ATG7: variants seen among roughly 807,000 people sequenced by gnomAD.
The protein encoded by ATG7 is ubiquitin-like modifier-activating enzyme ATG7.
ATG7 carries 70 observed loss-of-function variants against 82.4 expected under a neutral mutation model. That is an observed-to-expected ratio of 0.85 (90% CI 0.70 to 1.04). ATG7 has a LOEUF of 1.04. ATG7 is among the 50% of genes least tolerant of loss of function. ATG7 has a pLI of 0.00. For missense variants in ATG7, 792 were observed against 864.3 expected (o/e 0.92, Z 1.05); for synonymous variants, 287 against 313.0 (o/e 0.92, Z 0.88).
Position 11,442,739 on chromosome 3 carries a change from C to CAAAAAA in ATG7, c.2079+15840_2079+15845dup, listed in dbSNP as rs57073881. Among the ~76,000 whole-genome samples the CAAAAAA allele has an allele frequency of 1.0e-3, 72 of 69,218 alleles. 2 individuals are homozygous for CAAAAAA. Among genetic ancestry groups the CAAAAAA allele is most frequent in the East Asian group, 6.2e-3 (12 of 1,944 alleles). 45.4% of individuals were successfully genotyped at this position (69,218 alleles called of 152,430 possible). A position where few individuals can be genotyped will look rare whatever the true frequency, so the allele number is the denominator to read the frequency against. Reference sequence around the variant, plus strand: ...GCAGCATAGTGAGACTCCATCTCTACAAAAAAAAAAAAAAAAAAAAAAAAA... The same window carrying CAAAAAA: ...GCAGCATAGTGAGACTCCATCTCTACAAAAAAAAAAAAAAAAAAAAAAAAAAAAAAA... On this transcript the variant is annotated intron_variant, in intron 20 of 20. Transcript: ENST00000693202.
intron 3 of ATG7, among the ~76,000 whole-genome samples, chr3:11,298,359 A>G (rs1196693774): frequency 1.3e-5 from 2 of 152,206 alleles, no homozygotes; most frequent in Non-Finnish European, 2.9e-5. Flanking sequence ...TGGTGGGTGC[A>G]AGGTCCTGGG....
At chr3:11,567,687 C>G in the ATG7 span, among the ~76,000 whole-genome samples, 2 of 152,234 alleles carry the variant, frequency 1.3e-5, no homozygotes, top group Non-Finnish European at 2.9e-5. Context: ...AGAAGACCTT[C>G]CGCGGAACGG....
intron 13 of ATG7, 144 bp downstream of exon 13, chr3:11,342,423 AAGTGT>A: frequency 8.9e-7 from 1 of 1,123,206 alleles, no homozygotes; most frequent in Non-Finnish European, 1.2e-6. Flanking sequence ...TTATCTTTTT[AAGTGT>A]AAAAGAAATA....
Position 11,294,024 on chromosome 3 carries a change from A to G in ATG7, c.-10-4662A>G, listed in dbSNP as rs1452716635. ...CAGAGCAGGACTCCGTCTCAAAAAAAAAAAAAAAAAGAAAAAGAAAGAAAG... is the reference window on the plus strand; with the variant it reads ...CAGAGCAGGACTCCGTCTCAAAAAAGAAAAAAAAAAGAAAAAGAAAGAAAG... On this transcript the variant is annotated intron_variant, in intron 3 of 20. Transcript: ENST00000693202. 3.3e-5 allele frequency among the ~76,000 whole-genome samples: 5 copies of G among 150,782 alleles called. No homozygotes were observed. The South Asian group carries it at 1.0e-3, about 31-fold the overall frequency.
At chr3:11,440,877 T>C (rs529207790) in intron 20 of ATG7, among the ~76,000 whole-genome samples, 2 of 151,186 alleles carry the variant, frequency 1.3e-5, no homozygotes, top group South Asian at 4.2e-4. Context: ...AGAGATGGGG[T>C]TTTGCCATGC....
chr3:11,431,454 A>G (rs1284977635), intron 20 of ATG7, among the ~76,000 whole-genome samples: 3 of 152,218 alleles, frequency 2.0e-5, no homozygotes, highest in African/African-American at 7.2e-5. Flanking sequence ...GGTTTTTAGT[A>G]TATTCACAGA....
At chr3:11,301,935 C>A (rs1206325783) in intron 5 of ATG7, among the ~76,000 whole-genome samples, 2 of 152,196 alleles carry the variant, frequency 1.3e-5, no homozygotes, top group Non-Finnish European at 2.9e-5. Context: ...TTTGAACTTA[C>A]TACAAAATGT....
At chr3:11,531,248 C>T (rs2092688546) in intron 20 of ATG7, among the ~76,000 whole-genome samples, 1 of 152,134 alleles carries the variant, frequency 6.6e-6, no homozygotes, top group Admixed American at 6.5e-5. Context: ...CCAGCCAAGG[C>T]AGAGTCCAGA....
chr3:11,298,298 T>C (rs1179744828), intron 3 of ATG7, among the ~76,000 whole-genome samples: 1 of 152,168 alleles, frequency 6.6e-6, no homozygotes, highest in African/African-American at 2.4e-5. Flanking sequence ...ACAAATACTG[T>C]ATGATGCCAT....
chr3:11,514,900 G>T (rs957933570), intron 20 of ATG7, among the ~76,000 whole-genome samples: 1 of 151,152 alleles, frequency 6.6e-6, no homozygotes, highest in Non-Finnish European at 1.5e-5. Context: ...GAGTGCAGTG[G>T]CATGATCTCA....
intron 19 of ATG7, among the ~76,000 whole-genome samples, chr3:11,398,210 A>G (rs1038787974): frequency 1.3e-5 from 2 of 152,200 alleles, no homozygotes; most frequent in African/African-American, 4.8e-5. Flanking sequence ...TAGTGAATAC[A>G]TATAGAATAC....
chr3:11,503,234 C>A (rs2091469563), intron 20 of ATG7, among the ~76,000 whole-genome samples: 1 of 152,082 alleles, frequency 6.6e-6, no homozygotes, highest in South Asian at 2.1e-4. Context: ...CTTCTGAGTA[C>A]CTTCTCCTTA....
At chr3:11,400,734 C>T (rs1049738781) in intron 19 of ATG7, among the ~76,000 whole-genome samples, 2 of 151,996 alleles carry the variant, frequency 1.3e-5, no homozygotes, top group African/African-American at 2.4e-5. Flanking sequence ...AAATAATGTA[C>T]TATAACCTTC....
chr3:11,491,050 A>G (rs1258586454), intron 20 of ATG7, among the ~76,000 whole-genome samples: 1 of 152,196 alleles, frequency 6.6e-6, no homozygotes, highest in African/African-American at 2.4e-5. Flanking sequence ...TCTCCTGAAT[A>G]ATATCCTGCA....
chr3:11,485,775 C>T (rs1237974409), intron 20 of ATG7, among the ~76,000 whole-genome samples: 2 of 152,132 alleles, frequency 1.3e-5, no homozygotes, highest in Admixed American at 6.6e-5. Context: ...GCCAGTTTTC[C>T]CAGCACCATT....
chr3:11,442,158 A>G (rs2152970237), intron 20 of ATG7, among the ~76,000 whole-genome samples: 1 of 152,266 alleles, frequency 6.6e-6, no homozygotes, highest in African/African-American at 2.4e-5. Context: ...ATCCAGTACC[A>G]TGATCGCTAG....
intron 7 of ATG7, among the ~76,000 whole-genome samples, chr3:11,309,771 A>G (rs1356355143): frequency 6.6e-6 from 1 of 152,218 alleles, no homozygotes; most frequent in Non-Finnish European, 1.5e-5. Context: ...CTGTGTATAT[A>G]AAACTAATTT....
intron 20 of ATG7, among the ~76,000 whole-genome samples, chr3:11,544,754 CT>C (rs2071127821): frequency 6.6e-6 from 1 of 152,244 alleles, no homozygotes; most frequent in Non-Finnish European, 1.5e-5. Context: ...AAAAATCCCC[CT>C]TTCTTTTCTG....
At chr3:11,402,428 G>C (rs1054470053) in intron 19 of ATG7, among the ~76,000 whole-genome samples, 3 of 152,086 alleles carry the variant, frequency 2.0e-5, no homozygotes, top group Non-Finnish European at 2.9e-5. Flanking sequence ...GTGAGACTCC[G>C]TCTCAAAAAA....
Sources: allele counts gnomAD v4.1 joint callset (sites outside exome capture counted in the v4.1 genomes callset), GRCh38; gene constraint gnomAD v4.1.1; transcripts MANE v1.5; gene names NCBI Gene and HGNC (gene_info 2026-07-23, HGNC 2026-07-21).